The following B3GNT5 variants were observed in gnomAD, a reference collection of about 807,000 sequenced individuals.
The protein encoded by B3GNT5 is lactosylceramide 1,3-N-acetyl-beta-D-glucosaminyltransferase.
A neutral mutation model predicts 25.9 loss-of-function variants in B3GNT5; 11 were observed. The observed-to-expected ratio is 0.42, with a 90% CI of 0.27 to 0.70. The LOEUF (loss-of-function observed/expected upper bound fraction) is 0.70. Ranked by LOEUF, B3GNT5 falls within the 30% of genes least tolerant of loss-of-function variation. B3GNT5 has a pLI of 0.23. For synonymous variants in B3GNT5, 166 were observed against 158.6 expected (o/e 1.05, Z -0.35); for missense variants, 385 against 458.4 (o/e 0.84, Z 1.46).
chr3:183,254,528 C>G (rs1004173682), intron 1 of B3GNT5: 1 of 152,118 alleles, frequency 6.6e-6, no homozygotes, highest in Non-Finnish European at 1.5e-5. Context: ...CCGGGCAGCT[C>G]CGGTTGGGGC....
intron 1 of B3GNT5, among the ~76,000 whole-genome samples, chr3:183,264,971 C>T (rs1038716215): frequency 6.6e-6 from 1 of 152,122 alleles, no homozygotes; most frequent in Non-Finnish European, 1.5e-5. Flanking sequence ...CTAAGAATAC[C>T]TGTCCCTTCT....
intron 1 of B3GNT5, among the ~76,000 whole-genome samples, chr3:183,256,943 T>C (rs1725094826): frequency 6.6e-6 from 1 of 152,234 alleles, no homozygotes; most frequent in Non-Finnish European, 1.5e-5. Flanking sequence ...GTATTTGCGA[T>C]GTGTTAAATG....
At position 183,270,136 on chromosome 3, in the gene B3GNT5, A is replaced by C. The variant is rs781255035; in HGVS notation, c.338A>C (p.Asn113Thr). ...TCCGGAATTAGAAGGACGTGGGGCA[A>C]TGAAAATTATGTTCGGTCTCAGCTG... Reference protein sequence around the residue: ...RRSGIRRTWGNENYVRSQLNA... With the variant: ...RRSGIRRTWGTENYVRSQLNA... The change falls in exon 2 of 2, where the codon AAT becomes ACT. Residue 113 changes from asparagine (N) to threonine (T), a missense_variant. Physicochemically the swap from Asn to Thr is moderately conservative, Grantham distance 65. Coordinates refer to ENST00000326505, the MANE Select transcript of B3GNT5 (RefSeq NM_032047.5). This position sits in a 1 kb window ranked among gnomAD's most constrained non-coding sequence, Gnocchi z 4.5. 6.2e-7 allele frequency: 1 copy of C among 1,614,012 alleles called. No homozygotes were observed. Among genetic ancestry groups the C allele is most frequent in the African/African-American group, 1.3e-5 (1 of 74,922 alleles).
chr3:183,261,703 G>A (rs553420297), intron 1 of B3GNT5, among the ~76,000 whole-genome samples: 24 of 151,612 alleles, frequency 1.6e-4, no homozygotes, highest in Non-Finnish European at 2.2e-4. Flanking sequence ...TATTTCCCCC[G>A]CAAGGAAAAA....
intron 1 of B3GNT5, among the ~76,000 whole-genome samples, chr3:183,261,561 A>G (rs1198814181): frequency 1.3e-5 from 2 of 152,198 alleles, no homozygotes; most frequent in Admixed American, 6.5e-5. Flanking sequence ...CTACTTTCTA[A>G]GCATATCACT....
At position 183,270,480 on chromosome 3, in the gene B3GNT5, C is replaced by T. The variant is rs1726657722; in HGVS notation, c.682C>T (p.Pro228Ser). Residue 228 changes from proline (P) to serine (S), a missense_variant, in exon 2 of 2, where the codon CCT (proline) becomes TCT (serine). Transcript: ENST00000326505. This position sits in a 1 kb window ranked among gnomAD's most constrained non-coding sequence, Gnocchi z 4.5. ...GATTGGTCGTGTTCATCGTGGTGCC[C>T]CTCCCATTAGAGATAAAAGCAGCAA... is the stretch of plus-strand genomic sequence containing the variant. ...FWIGRVHRGA[P>S]PIRDKSSKYY... 2.1e-5 allele frequency: 34 copies of T among 1,613,910 alleles called. No homozygotes were observed. Among genetic ancestry groups the T allele is most frequent in the Non-Finnish European group, 2.9e-5 (34 of 1,180,024 alleles).
chr3:183,255,341 T>C (rs879403776), intron 1 of B3GNT5, among the ~76,000 whole-genome samples: 13 of 152,260 alleles, frequency 8.5e-5, no homozygotes, highest in Non-Finnish European at 1.6e-4. Context: ...ATTTTCTATC[T>C]GGTCACAAGT....
chr3:183,264,664 G>C (rs1451575745), intron 1 of B3GNT5, among the ~76,000 whole-genome samples: 2 of 152,186 alleles, frequency 1.3e-5, no homozygotes, highest in Non-Finnish European at 2.9e-5. Context: ...AAAACGGATA[G>C]CAGGTTTCAC....
rs550032729 is a variant in B3GNT5, at chr3:183,270,855, T to C, written c.1057T>C (p.Tyr353His). Reference sequence around the variant, plus strand: ...TTCCAAAGGTTTTTTTGGTCAAATATACTGCAGATTAATGAAGATAATTCT... The same window carrying C: ...TTCCAAAGGTTTTTTTGGTCAAATACACTGCAGATTAATGAAGATAATTCT... ...TISKGFFGQI[Y>H]CRLMKIILLC... The change falls in exon 2 of 2, where the codon TAC becomes CAC. Residue 353 changes from tyrosine to histidine, a missense_variant. Tyr to His is a moderately conservative substitution (Grantham distance 83, BLOSUM62 2). Transcript: ENST00000326505. This position sits in a 1 kb window ranked among gnomAD's most constrained non-coding sequence, Gnocchi z 4.5. 1.2e-6 allele frequency: 2 copies of C among 1,612,934 alleles called. No homozygotes were observed. The highest frequency in any genetic ancestry group is 1.7e-5 in the Admixed American group (1 of 59,744).
chr3:183,263,374 C>T (rs1336943267), intron 1 of B3GNT5, among the ~76,000 whole-genome samples: 1 of 152,122 alleles, frequency 6.6e-6, no homozygotes, highest in Non-Finnish European at 1.5e-5. Flanking sequence ...TTAGACCCTC[C>T]TGTAGCACCC....
At chr3:183,255,071 A>T (rs1359893139) in intron 1 of B3GNT5, among the ~76,000 whole-genome samples, 1 of 152,206 alleles carries the variant, frequency 6.6e-6, no homozygotes. Context: ...CCTGAGGCTC[A>T]TATTTATGGT....
chr3:183,270,805 C>T lies in B3GNT5; in HGVS notation c.1007C>T (p.Ala336Val), dbSNP rs756915839. 3.1e-6 allele frequency: 5 copies of T among 1,613,976 alleles called. No individual in the cohort carries two copies. The South Asian group carries it at 5.5e-5, about 18-fold the overall frequency. ...LEDLQDLWKN[A>V]TDPKVKTISK... ...GATCTCCAGGACCTTTGGAAGAATG[C>T]TACAGATCCTAAAGTAAAAACCATT... The change falls in exon 2 of 2, where the codon GCT (alanine) becomes GTT (valine). Residue 336 changes from alanine (A) to valine (V), a missense_variant. By Grantham distance (64) the Ala-to-Val change is moderately conservative (BLOSUM62 0). Coordinates refer to ENST00000326505, the MANE Select transcript of B3GNT5 (RefSeq NM_032047.5). The surrounding 1 kb of genome is among the most constrained non-coding windows in gnomAD (Gnocchi z 4.5).
At chr3:183,260,792 C>T (rs1451837772) in intron 1 of B3GNT5, among the ~76,000 whole-genome samples, 1 of 152,164 alleles carries the variant, frequency 6.6e-6, no homozygotes, top group East Asian at 1.9e-4. Context: ...CCCAGCTTTC[C>T]CCTCTATCCC....
chr3:183,260,351 T>C (rs1489909387), intron 1 of B3GNT5, among the ~76,000 whole-genome samples: 1 of 151,872 alleles, frequency 6.6e-6, no homozygotes, highest in Non-Finnish European at 1.5e-5. Flanking sequence ...GTTTCTTAAG[T>C]AGGCAAGAAA....
chr3:183,265,559 G>C (rs1031517117), intron 1 of B3GNT5: 2 of 152,280 alleles, frequency 1.3e-5, no homozygotes, highest in Admixed American at 6.5e-5. Context: ...GGAGCTGGGC[G>C]CAACAGTGTT....
intron 1 of B3GNT5, chr3:183,254,547 G>T (rs892306973): frequency 1.4e-4 from 21 of 152,110 alleles, no homozygotes; most frequent in Non-Finnish European, 2.5e-4. Context: ...GCGGCTTCCC[G>T]GGGCCTGCGG....
At chr3:183,255,363 A>G (rs773955653) in intron 1 of B3GNT5, among the ~76,000 whole-genome samples, 1 of 152,230 alleles carries the variant, frequency 6.6e-6, no homozygotes, top group Non-Finnish European at 1.5e-5. Flanking sequence ...AGGAGGTGAA[A>G]GCTGCTTTTT....
chr3:183,254,817 G>A (rs1461027766), intron 1 of B3GNT5: 3 of 152,280 alleles, frequency 2.0e-5, no homozygotes, highest in African/African-American at 7.2e-5. Flanking sequence ...CGGGGAGACT[G>A]CAGCCGCAGA....
chr3:183,269,226 G>A lies in B3GNT5; in HGVS notation c.-301-272G>A, dbSNP rs556459115. On this transcript the variant is annotated intron_variant, in intron 1 of 1. Coordinates refer to ENST00000326505, the MANE Select transcript of B3GNT5 (RefSeq NM_032047.5). ...AGTATACACGATTATAGCCGTTTGG[G>A]AAGCTTTTTTTTTTTTTTTTTTAAG... 4.9e-3 allele frequency among the ~76,000 whole-genome samples: 422 copies of A among 85,332 alleles called. 2 individuals are homozygous for A. The highest frequency in any genetic ancestry group is 0.032 in the African/African-American group (394 of 12,398). The allele number at this position is 85,332 out of a possible 152,430, so 56.0% of individuals were successfully genotyped here.
Sources: gnomAD v4.1 joint callset for allele counts (sites outside exome capture counted in the v4.1 genomes callset) on GRCh38, gnomAD v4.1.1 for gene constraint, Gnocchi (gnomAD v3.1) non-coding constraint, MANE v1.5 for transcripts, NCBI Gene and HGNC (gene_info 2026-07-23, HGNC 2026-07-21) for gene names.